Variants in ITPR1 observed in about 807,000 individuals in gnomAD.
ITPR1 encodes the protein inositol 1,4,5-trisphosphate receptor type 1, also known as inositol 1,4,5-trisphosphate-gated calcium channel ITPR1.
A neutral mutation model predicts 318.4 loss-of-function variants in ITPR1; 96 were observed. The observed-to-expected ratio is 0.30, with a 90% confidence interval of 0.26 to 0.36. The LOEUF is 0.36. ITPR1 is among the 10% of genes least tolerant of loss of function. The pLI is 1.00. For missense variants in ITPR1, 2,440 were observed against 3,460.2 expected (o/e 0.71, Z 7.40); for synonymous variants, 1,312 against 1,289.9 (o/e 1.02, Z -0.37).
chr3:4,730,302 G>T (rs2042822158), intron 42 of ITPR1, among the ~76,000 whole-genome samples: 1 of 146,070 alleles, frequency 6.8e-6, no homozygotes, highest in Admixed American at 6.9e-5. Context: ...TGTGTGTATA[G>T]AGAAGGTGAG....
chr3:4,666,327 A>C (rs1354216966), intron 17 of ITPR1, among the ~76,000 whole-genome samples: 1 of 152,174 alleles, frequency 6.6e-6, no homozygotes, highest in Admixed American at 6.5e-5. Flanking sequence ...GAAGTGTATC[A>C]AGCTGTGATT....
At chr3:4,760,245 A>T (rs1252174026) in intron 44 of ITPR1, among the ~76,000 whole-genome samples, 1 of 152,236 alleles carries the variant, frequency 6.6e-6, no homozygotes, top group Non-Finnish European at 1.5e-5. Context: ...GAGACAGCTT[A>T]TATGGAAAGG....
intron 4 of ITPR1, among the ~76,000 whole-genome samples, chr3:4,608,618 G>T (rs1559528088): frequency 6.6e-6 from 1 of 152,072 alleles, no homozygotes; most frequent in Non-Finnish European, 1.5e-5. Flanking sequence ...GGGTGCTACT[G>T]ATAGCCAATG....
intron 38 of ITPR1, among the ~76,000 whole-genome samples, chr3:4,711,210 C>CAAAAA (rs1169754547): frequency 5.2e-5 from 3 of 57,904 alleles, no homozygotes; most frequent in African/African-American, 1.1e-4. Context: ...GACCTTGTCT[C>CAAAAA]AAAAAAAAAA....
intron 55 of ITPR1, 62 bp downstream of exon 55, chr3:4,806,329 C>T (rs1254918240): frequency 6.8e-7 from 1 of 1,466,386 alleles, no homozygotes; most frequent in Non-Finnish European, 9.6e-7. Context: ...CCTATGTCCT[C>T]TCTCTCATCA....
intron 10 of ITPR1, among the ~76,000 whole-genome samples, chr3:4,649,449 G>T (rs928547210): frequency 9.9e-5 from 15 of 152,172 alleles, no homozygotes; most frequent in African/African-American, 3.6e-4. Context: ...TTATATGTCT[G>T]TAGCTTATTG....
At chr3:4,610,048 C>G (rs1279240513) in intron 4 of ITPR1, among the ~76,000 whole-genome samples, 1 of 152,110 alleles carries the variant, frequency 6.6e-6, no homozygotes, top group East Asian at 1.9e-4. Flanking sequence ...AAGTCTGGCC[C>G]ACTGCACAGA....
chr3:4,683,337 G>C, intron 26 of ITPR1, 49 bp from the exon 27 acceptor site: 1 of 1,601,862 alleles, frequency 6.2e-7, no homozygotes, highest in South Asian at 1.1e-5. Context: ...GGGCGTGAGA[G>C]GAGGCATTTG....
chr3:4,756,046 G>A (rs1364958062), intron 44 of ITPR1, among the ~76,000 whole-genome samples: 1 of 152,204 alleles, frequency 6.6e-6, no homozygotes, highest in Non-Finnish European at 1.5e-5. Flanking sequence ...GTTAGGGTGA[G>A]TGATAATTTA....
intron 4 of ITPR1, among the ~76,000 whole-genome samples, chr3:4,561,355 A>T (rs1316989964): frequency 6.6e-6 from 1 of 152,228 alleles, no homozygotes; most frequent in African/African-American, 2.4e-5. Flanking sequence ...CCAGTGACTG[A>T]TAATGATATT....
intron 52 of ITPR1, 122 bp downstream of exon 52, chr3:4,788,261 C>T (rs2047331083): frequency 4.0e-6 from 3 of 758,142 alleles, no homozygotes; most frequent in East Asian, 5.6e-5. Flanking sequence ...TGATACTTTG[C>T]ACCTCTGACC....
At chr3:4,568,121 T>A (rs1430800365) in intron 4 of ITPR1, among the ~76,000 whole-genome samples, 2 of 152,108 alleles carry the variant, frequency 1.3e-5, no homozygotes, top group East Asian at 3.9e-4. Flanking sequence ...GTCTGTGATT[T>A]TTACATAGTT....
At chr3:4,692,762 T>A (rs2094499257) in intron 32 of ITPR1, among the ~76,000 whole-genome samples, 1 of 116,872 alleles carries the variant, frequency 8.6e-6, no homozygotes, top group Non-Finnish European at 2.1e-5. Flanking sequence ...TAAAAGTAAT[T>A]TGTTGATTGA....
chr3:4,647,633 G>T (rs1037962774), intron 10 of ITPR1, among the ~76,000 whole-genome samples: 1 of 152,138 alleles, frequency 6.6e-6, no homozygotes, highest in Non-Finnish European at 1.5e-5. Flanking sequence ...AATGTTACTC[G>T]TTCTAGTAGG....
At chr3:4,498,947 AC>A (rs2124868390) in intron 2 of ITPR1, among the ~76,000 whole-genome samples, 1 of 152,284 alleles carries the variant, frequency 6.6e-6, no homozygotes, top group East Asian at 1.9e-4. Flanking sequence ...AGTGAAGTGG[AC>A]CCCTGCACAT....
At chr3:4,730,275 TTGTG>T (rs10618439) in intron 42 of ITPR1, among the ~76,000 whole-genome samples, 51,829 of 143,878 alleles carry the variant, frequency 0.36, 10,612 homozygotes, top group East Asian at 0.79. Context: ...TGCAGTTTAA[TTGTG>T]TGTGTGTGTG....
intron 13 of ITPR1, among the ~76,000 whole-genome samples, chr3:4,659,938 T>G (rs7639275): frequency 0.051 from 7,764 of 152,294 alleles, 360 homozygotes; most frequent in East Asian, 0.12. Context: ...GTTTTTATTG[T>G]TACACATAAT....
At chr3:4,762,132 C>T (rs1417292488) in intron 44 of ITPR1, among the ~76,000 whole-genome samples, 1 of 152,188 alleles carries the variant, frequency 6.6e-6, no homozygotes, top group Admixed American at 6.5e-5. Context: ...TGCTTCTGTT[C>T]TAGAAACCCC....
intron 61 of ITPR1, among the ~76,000 whole-genome samples, chr3:4,844,947 C>G (rs991573791): frequency 2.0e-5 from 3 of 152,152 alleles, no homozygotes; most frequent in African/African-American, 7.2e-5. Context: ...TTTATGTTCT[C>G]TCCAGATATT....
Sources: gnomAD v4.1 joint callset for allele counts (sites outside exome capture counted in the v4.1 genomes callset) on GRCh38, gnomAD v4.1.1 for gene constraint, MANE v1.5 for transcripts, NCBI Gene and HGNC (gene_info 2026-07-23, HGNC 2026-07-21) for gene names.